DZIP1: variants seen among roughly 807,000 people sequenced by gnomAD.
The protein encoded by DZIP1 is DAZ interacting zinc finger protein 1, also known as cilium assembly protein DZIP1.
DZIP1 carries 97 observed loss-of-function variants against 107.6 expected under a neutral mutation model. The observed-to-expected ratio is 0.90, with a 90% CI of 0.77 to 1.07. DZIP1 has a LOEUF of 1.07. Ranked by LOEUF, DZIP1 falls within the 50% of genes least tolerant of loss-of-function variation. The pLI is 0.00. For missense variants in DZIP1, 1,035 were observed against 1,063.6 expected, an observed-to-expected ratio of 0.97 and a Z score of 0.37; for synonymous variants, 390 against 386.4, an observed-to-expected ratio of 1.01 and a Z score of -0.11.
Position 95,589,149 on chromosome 13 carries a change from C to T in DZIP1, c.2027+5G>A. 3 of 1,604,428 alleles carry T rather than the reference C, an allele frequency of 1.9e-6. No homozygotes were observed. Among genetic ancestry groups the T allele is most frequent in the Non-Finnish European group, 2.6e-6 (3 of 1,176,432 alleles). ...AATGACCCTCCCATCCCTGTCAATACTCACGTAATAGTTGAAGACTTTCTG... is the reference window on the plus strand; with the variant it reads ...AATGACCCTCCCATCCCTGTCAATATTCACGTAATAGTTGAAGACTTTCTG... On this transcript the variant is annotated splice_donor_5th_base_variant and intron_variant, in intron 19 of 22. Coordinates refer to ENST00000376829, the MANE Select transcript of DZIP1 (RefSeq NM_198968.4).
In DZIP1 at chr13:95,579,218, G is replaced by A. The variant is rs2043981225; in HGVS notation, c.*3016C>T. ...CTGACGGGCCGAGTTCTATCTAGGTGTGTCTTCCAGAACCTGTTTACGGCT... is the reference window on the plus strand; with the variant it reads ...CTGACGGGCCGAGTTCTATCTAGGTATGTCTTCCAGAACCTGTTTACGGCT... On this transcript the variant is annotated 3_prime_UTR_variant, in exon 23 of 23. Transcript: ENST00000376829. 6.6e-6 allele frequency: 1 copy of A among 152,188 alleles called. No individual in the cohort carries two copies. Among genetic ancestry groups the A allele is most frequent in the South Asian group, 2.1e-4 (1 of 4,826 alleles). 9.4% of individuals were successfully genotyped at this position (152,188 alleles called of 1,614,324 possible).
chr13:95,581,424 A>G lies in DZIP1; in HGVS notation c.*810T>C, dbSNP rs2044010268. ...TGATAAATTAATTGGCACTTAAAAT[A>G]ACTATACTTTATTCATAAAATATCC... On this transcript the variant is annotated 3_prime_UTR_variant, in exon 23 of 23. Transcript: ENST00000376829. 6.6e-6 allele frequency: 1 copy of G among 152,596 alleles called. No homozygotes were observed. The highest frequency in any genetic ancestry group is 2.4e-5 in the African/African-American group (1 of 41,454). 9.5% of individuals were successfully genotyped at this position (152,596 alleles called of 1,614,324 possible).
At chr13:95,611,308 G>T in intron 12 of DZIP1, 137 bp downstream of exon 12, 1 of 678,600 alleles carries the variant, frequency 1.5e-6, no homozygotes, top group Non-Finnish European at 2.6e-6. Flanking sequence ...AATAATAGAG[G>T]ACAGATCTAC....
rs1036730178 is a variant in DZIP1, at chr13:95,578,224, A to C, written c.*4010T>G. On this transcript the variant is annotated 3_prime_UTR_variant, in exon 23 of 23. Coordinates refer to ENST00000376829, the MANE Select transcript of DZIP1 (RefSeq NM_198968.4). ...TTGTGGCTTTCTATAAAAAATAAAC[A>C]GTTTATTTACAGGATTTGTAAAATG... The C allele has an allele frequency of 8.1e-6, 3 of 372,190 alleles. No homozygotes were observed. The highest frequency in any genetic ancestry group is 6.3e-5 in the African/African-American group (3 of 47,698). The allele number at this position is 372,190 out of a possible 1,614,324, so 23.1% of individuals were successfully genotyped here. A position where few individuals can be genotyped will look rare whatever the true frequency, so the allele number is the denominator to read the frequency against.
At chr13:95,590,839 T>A (rs1328279654) in intron 16 of DZIP1, among the ~76,000 whole-genome samples, 1 of 151,986 alleles carries the variant, frequency 6.6e-6, no homozygotes, top group African/African-American at 2.4e-5. Context: ...TGGGTAGGCA[T>A]GAGATAGGGA....
chr13:95,609,124 C>T (rs2044891869), intron 13 of DZIP1, among the ~76,000 whole-genome samples: 1 of 151,640 alleles, frequency 6.6e-6, no homozygotes, highest in East Asian at 1.9e-4. Flanking sequence ...AGTGTGGTGA[C>T]ACCACACACA....
intron 10 of DZIP1, among the ~76,000 whole-genome samples, chr13:95,619,631 C>A (rs1444348928): frequency 6.8e-6 from 1 of 147,406 alleles, no homozygotes; most frequent in East Asian, 2.0e-4. Flanking sequence ...TTAATGGGAA[C>A]AACTTGACCA....
intron 10 of DZIP1, among the ~76,000 whole-genome samples, chr13:95,613,810 T>C (rs1874689690): frequency 1.3e-5 from 2 of 152,166 alleles, no homozygotes; most frequent in Non-Finnish European, 2.9e-5. Context: ...CTGGCTCTAA[T>C]TGAGACAGCC....
chr13:95,642,730 A>G (rs560344185), intron 3 of DZIP1, among the ~76,000 whole-genome samples: 1 of 152,314 alleles, frequency 6.6e-6, no homozygotes, highest in African/African-American at 2.4e-5. Flanking sequence ...CTTAAAGTTA[A>G]GGGTACATTT....
chr13:95,602,590 T>A (rs1301012129), intron 14 of DZIP1, among the ~76,000 whole-genome samples: 1 of 152,242 alleles, frequency 6.6e-6, no homozygotes, highest in Non-Finnish European at 1.5e-5. Context: ...GGAACACCGC[T>A]GGAGAAACAG....
chr13:95,614,142 A>G lies in DZIP1; in HGVS notation c.1174-1965T>C, dbSNP rs1239228223. On this transcript the variant is annotated intron_variant, in intron 10 of 22. Transcript: ENST00000376829. ...CCCTGTCTCAAAAAAAAAAAAAAAA[A>G]AAAAAGCAGTGTCTTAGCATCCTGC... Among the ~76,000 whole-genome samples, 4 of 151,990 alleles carry G rather than the reference A, an allele frequency of 2.6e-5. No individual in the cohort carries two copies. The East Asian group carries it at 7.7e-4, about 29-fold the overall frequency.
intron 14 of DZIP1, among the ~76,000 whole-genome samples, chr13:95,604,813 C>T (rs11620268): frequency 0.011 from 1,616 of 152,252 alleles, 17 homozygotes; most frequent in Middle Eastern, 0.044. Flanking sequence ...CAATGCTTTA[C>T]AAAGGGACGC....
chr13:95,600,595 G>C (rs563207510), intron 14 of DZIP1, among the ~76,000 whole-genome samples: 2 of 137,020 alleles, frequency 1.5e-5, no homozygotes, highest in African/African-American at 5.7e-5. Context: ...ATAGATGATA[G>C]ATAGATAGAT....
In DZIP1 at chr13:95,590,411, G is replaced by A; in HGVS notation, c.1711C>T (p.His571Tyr). The A allele has an allele frequency of 6.2e-7, 1 of 1,610,232 alleles. No individual in the cohort carries two copies. The highest frequency in any genetic ancestry group is 8.5e-7 in the Non-Finnish European group (1 of 1,179,082). The change falls in exon 17 of 23, where the codon CAT becomes TAT. Residue 571 changes from histidine to tyrosine, a missense_variant. Physicochemically the swap from His to Tyr is moderately conservative, Grantham distance 83 (BLOSUM62 2). Transcript: ENST00000376829. ...GATTCCACACTTTTTAGTACTCTAT[G>A]CAACTGATCACTTGAAATGCCACGT... Reference protein sequence around the residue: ...DIRGISSDQLHRVLKSVESER... With the variant: ...DIRGISSDQLYRVLKSVESER...
intron 10 of DZIP1, among the ~76,000 whole-genome samples, chr13:95,618,974 A>T (rs1187029511): frequency 6.6e-6 from 1 of 152,220 alleles, no homozygotes; most frequent in African/African-American, 2.4e-5. Flanking sequence ...TGATGTACTC[A>T]GGTGAAAGAG....
chr13:95,597,865 A>C (rs1031181558), intron 15 of DZIP1, among the ~76,000 whole-genome samples: 3 of 152,230 alleles, frequency 2.0e-5, no homozygotes, highest in Non-Finnish European at 2.9e-5. Flanking sequence ...AACCTACTGT[A>C]CAATAGTTGC....
chr13:95,584,494 TAAAAA>T lies in DZIP1; in HGVS notation c.2524+237_2524+241del. On this transcript the variant is annotated intron_variant, in intron 22 of 22. Transcript: ENST00000376829. ...CCGTTTCAAAAACAAAAAATAAAAA[TAAAAA>T]TAAATTAAAAATTTAAAGACTAAAG... 2.7e-6 allele frequency: 2 copies of T among 752,970 alleles called. 1 individual carries two copies. The highest frequency in any genetic ancestry group is 3.4e-6 in the Non-Finnish European group (2 of 596,138). 46.6% of individuals were successfully genotyped at this position (752,970 alleles called of 1,614,324 possible).
chr13:95,629,431 G>T (rs539687614), intron 7 of DZIP1, among the ~76,000 whole-genome samples: 9 of 152,302 alleles, frequency 5.9e-5, no homozygotes, highest in African/African-American at 2.2e-4. Context: ...AAAGAAAAAA[G>T]GAAACAGATC....
intron 14 of DZIP1, among the ~76,000 whole-genome samples, chr13:95,602,800 C>T (rs914852326): frequency 1.3e-5 from 2 of 152,206 alleles, no homozygotes; most frequent in Non-Finnish European, 2.9e-5. Flanking sequence ...CTGAGACTTC[C>T]TTTCAACAGT....
Sources: allele counts gnomAD v4.1 joint callset (sites outside exome capture counted in the v4.1 genomes callset), GRCh38; gene constraint gnomAD v4.1.1; transcripts MANE v1.5; gene names NCBI Gene and HGNC (gene_info 2026-07-23, HGNC 2026-07-21).